The following CLEC4D variants were observed in gnomAD, a reference collection of about 807,000 sequenced individuals.
CLEC4D encodes the protein C-type (calcium dependent, carbohydrate-recognition domain) lectin, superfamily member 8.
Under a neutral mutation model 21.1 loss-of-function variants are expected in CLEC4D, and 21 were observed. The ratio of observed to expected loss-of-function variants is 1.00; its 90% confidence interval spans 0.71 to 1.43. CLEC4D has a LOEUF of 1.43. CLEC4D is among the 40% of genes most tolerant of loss of function. The probability of loss-of-function intolerance (pLI) is 0.00; values close to 1 mark genes in which losing one functional copy is unlikely to be tolerated. For missense variants in CLEC4D, 289 were observed against 260.7 expected, an observed-to-expected ratio of 1.11 and a Z score of -0.75; for synonymous variants, 85 against 83.1, an observed-to-expected ratio of 1.02 and a Z score of -0.12.
rs1353784633 is a variant in CLEC4D at position 8,518,197 on chromosome 12, G to A, written c.155G>A (p.Gly52Asp). 4.3e-6 allele frequency: 6 copies of A among 1,396,712 alleles called. No individual in the cohort carries two copies. In the Admixed American group the frequency reaches 8.4e-5, roughly 20 times the overall value. 86.5% of individuals were successfully genotyped at this position (1,396,712 alleles called of 1,614,324 possible). A position where few individuals can be genotyped will look rare whatever the true frequency, so the allele number is the denominator to read the frequency against. Residue 52 changes from glycine (G) to aspartate (D), a missense_variant, in exon 3 of 6, where the codon GGC (glycine) becomes GAC (aspartate). Gly to Asp is a moderately conservative substitution (Grantham distance 94). Transcript: ENST00000299665. Reference sequence around the variant, plus strand: ...CACAACTTTTCACGCTGTAAGAGAGGCACAGGAGTGCACAAGTTAGAGCAC... The same window carrying A: ...CACAACTTTTCACGCTGTAAGAGAGACACAGGAGTGCACAAGTTAGAGCAC... Reference protein sequence around the residue: ...THHNFSRCKRGTGVHKLEHHA... With the variant: ...THHNFSRCKRDTGVHKLEHHA...
At chr12:8,516,989 TC>T (rs1940389934) in intron 2 of CLEC4D, among the ~76,000 whole-genome samples, 1 of 152,178 alleles carries the variant, frequency 6.6e-6, no homozygotes, top group South Asian at 2.1e-4. Context: ...AAAGACAGAA[TC>T]AGAATACATA....
At chr12:8,531,135 C>A in the CLEC4D span, among the ~76,000 whole-genome samples, 1 of 152,196 alleles carries the variant, frequency 6.6e-6, no homozygotes, top group Non-Finnish European at 1.5e-5. Flanking sequence ...ACAGTCCAAC[C>A]CCCACCAGGA....
In CLEC4D at chr12:8,517,721, C is replaced by T. The variant is rs59401741; in HGVS notation, c.122-443C>T. ...CAGCACTTTGGGAGGCCGAGGCAGG[C>T]GGATCTCGAGGTCAGGAGATCAAGA... is the stretch of plus-strand genomic sequence containing the variant. On this transcript the variant is annotated intron_variant, in intron 2 of 5. Transcript: ENST00000299665. 9.0e-3 allele frequency among the ~76,000 whole-genome samples: 1,374 copies of T among 152,036 alleles called. 33 individuals carry two copies. Among genetic ancestry groups the T allele is most frequent in the East Asian group, 0.079 (405 of 5,158 alleles).
intron 1 of CLEC4D, among the ~76,000 whole-genome samples, chr12:8,514,960 G>C (rs749357127): frequency 3.9e-5 from 6 of 152,026 alleles, no homozygotes; most frequent in African/African-American, 1.4e-4. Context: ...TAATTTTTAT[G>C]TACTCAAATT....
chr12:8,527,917 C>A, the CLEC4D span, among the ~76,000 whole-genome samples: 100 of 152,336 alleles, frequency 6.6e-4, no homozygotes, highest in Non-Finnish European at 1.3e-3. Flanking sequence ...CACCGACTGC[C>A]TCCCTTGGCT....
Position 8,519,159 on chromosome 12 carries a change from A to G in CLEC4D, c.383A>G (p.Gln128Arg). ...HLMTISTEAE[Q>R]NFIIQFLDRR... ...ATGACCATCAGCACGGAAGCTGAGC[A>G]GGTGTGTTGGGAGGATCACATCAGT... The change falls in exon 4 of 6, where the codon CAG (glutamine) becomes CGG (arginine). Residue 128 changes from glutamine (Q) to arginine (R), a missense_variant and splice_region_variant. Physicochemically the swap from Gln to Arg is conservative, Grantham distance 43. Coordinates refer to ENST00000299665, the MANE Select transcript of CLEC4D (RefSeq NM_080387.5). 6.2e-7 allele frequency: 1 copy of G among 1,613,148 alleles called. No homozygotes were observed. The highest frequency in any genetic ancestry group is 8.5e-7 in the Non-Finnish European group (1 of 1,179,652).
the CLEC4D span, among the ~76,000 whole-genome samples, chr12:8,531,087 C>G: frequency 6.6e-5 from 10 of 152,134 alleles, no homozygotes; most frequent in African/African-American, 2.2e-4. Context: ...CACGTATGGG[C>G]GTCCTCCTCA....
intron 3 of CLEC4D, 55 bp from the exon 4 acceptor site, chr12:8,518,954 T>G: frequency 6.3e-7 from 1 of 1,581,202 alleles, no homozygotes; most frequent in Non-Finnish European, 8.6e-7. Flanking sequence ...TTATGCAATC[T>G]GTTACAGATG....
intron 2 of CLEC4D, 78 bp downstream of exon 2, chr12:8,515,406 T>C: frequency 2.5e-6 from 2 of 799,286 alleles, no homozygotes; most frequent in South Asian, 1.4e-5. Flanking sequence ...CTAAGCCTTT[T>C]GGTATCTTGA....
downstream of CLEC4D, among the ~76,000 whole-genome samples, chr12:8,525,266 G>A (rs1834971791): frequency 6.6e-6 from 1 of 152,262 alleles, no homozygotes; most frequent in Non-Finnish European, 1.5e-5. Flanking sequence ...TTAATTTTCT[G>A]TCTTGTTGAT....
At position 8,522,322 on chromosome 12, in the gene CLEC4D, G is replaced by GCAGT. The variant is rs1209476067; in HGVS notation, c.*1054_*1057dup. On this transcript the variant is annotated 3_prime_UTR_variant, in exon 6 of 6. Transcript: ENST00000299665. ...GTGCATGAAACATTAATTGCAAAGG[G>GCAGT]CAGTCACATCCAACTTTAATAAAAT... is the stretch of plus-strand genomic sequence containing the variant. The GCAGT allele has an allele frequency of 3.0e-4, 46 of 152,084 alleles. No homozygotes were observed. The allele number at this position is 152,084 out of a possible 1,614,324, so 9.4% of individuals were successfully genotyped here.
chr12:8,517,090 C>A (rs1940390862), intron 2 of CLEC4D, among the ~76,000 whole-genome samples: 1 of 152,106 alleles, frequency 6.6e-6, no homozygotes, highest in Admixed American at 6.5e-5. Context: ...ACAGCGGTTA[C>A]TTTAAAAGCC....
chr12:8,517,756 C>A (rs963880163), intron 2 of CLEC4D, among the ~76,000 whole-genome samples: 5 of 151,992 alleles, frequency 3.3e-5, no homozygotes, highest in African/African-American at 1.2e-4. Flanking sequence ...ACCATCCTGG[C>A]TAACAAGGTG....
intron 2 of CLEC4D, among the ~76,000 whole-genome samples, 176 bp downstream of exon 2, chr12:8,515,504 G>A (rs191554842): frequency 1.2e-3 from 189 of 152,120 alleles, no homozygotes; most frequent in Non-Finnish European, 2.2e-3. Context: ...TCTTTCAATG[G>A]TGGTACCTTG....
downstream of CLEC4D, among the ~76,000 whole-genome samples, chr12:8,524,333 T>TA (rs1940490562): frequency 4.9e-5 from 6 of 122,132 alleles, no homozygotes; most frequent in Non-Finnish European, 1.0e-4. Context: ...GTCCTTGGCT[T>TA]TTTTTTTTTG....
intron 5 of CLEC4D, 110 bp downstream of exon 5, chr12:8,520,451 C>A: frequency 6.9e-7 from 1 of 1,451,260 alleles, no homozygotes; most frequent in Non-Finnish European, 9.1e-7. Flanking sequence ...TTAAGAGAGA[C>A]CACTGTAGGT....
At chr12:8,526,341 G>GT (rs1456355250), downstream of CLEC4D, among the ~76,000 whole-genome samples, 26 of 151,994 alleles carry the variant, frequency 1.7e-4, no homozygotes, top group Admixed American at 1.7e-3. Context: ...CATAGGTTTG[G>GT]TTTTTTTATG....
downstream of CLEC4D, among the ~76,000 whole-genome samples, chr12:8,523,962 G>C (rs1314328347): frequency 6.6e-6 from 1 of 152,114 alleles, no homozygotes; most frequent in Admixed American, 6.6e-5. Context: ...ATAACCATGT[G>C]GTTTTTGTCT....
chr12:8,515,301 A>G lies in CLEC4D; in HGVS notation c.94A>G (p.Ser32Gly), dbSNP rs4304840. Residue 32 changes from serine to glycine, a missense_variant, in exon 2 of 6, where the codon AGT becomes GGT. Physicochemically the swap from Ser to Gly is moderately conservative, Grantham distance 56 (BLOSUM62 0). Coordinates refer to ENST00000299665, the MANE Select transcript of CLEC4D (RefSeq NM_080387.5). ...VIAVVFILLL[S>G]VCFIASCLVT... Reference sequence around the variant, plus strand: ...TGCTGTAGTTTTCATCTTACTTCTCAGTGTCTGTTTTATTGCAAGTTGTTT... The same window carrying G: ...TGCTGTAGTTTTCATCTTACTTCTCGGTGTCTGTTTTATTGCAAGTTGTTT... The G allele has an allele frequency of 0.23, 340,025 of 1,467,864 alleles. 45,687 individuals are homozygous for G. The highest frequency in any genetic ancestry group is 0.57 in the African/African-American group (40,573 of 71,320). 90.9% of individuals were successfully genotyped at this position (1,467,864 alleles called of 1,614,324 possible). A position where few individuals can be genotyped will look rare whatever the true frequency, so the allele number is the denominator to read the frequency against.
Sources: allele counts gnomAD v4.1 joint callset (sites outside exome capture counted in the v4.1 genomes callset), GRCh38; gene constraint gnomAD v4.1.1; transcripts MANE v1.5; gene names NCBI Gene and HGNC (gene_info 2026-07-23, HGNC 2026-07-21).